Variants in CUTC observed in about 807,000 individuals in gnomAD.
The protein encoded by CUTC is copper homeostasis protein cutC homolog.
In CUTC, 27 loss-of-function variants were observed where a neutral mutation model predicts 36.2. The observed-to-expected ratio is 0.75, with a 90% CI of 0.55 to 1.03. The LOEUF is 1.03. Ranked by LOEUF, CUTC falls within the 50% of genes least tolerant of loss-of-function variation. The pLI is 0.00. For missense variants in CUTC, 315 were observed against 343.5 expected, an observed-to-expected ratio of 0.92 and a Z score of 0.66; for synonymous variants, 114 against 118.3, an observed-to-expected ratio of 0.96 and a Z score of 0.24.
At chr10:99,746,215 A>G (rs1476076866) in intron 5 of CUTC, among the ~76,000 whole-genome samples, 5 of 152,244 alleles carry the variant, frequency 3.3e-5, no homozygotes, top group Non-Finnish European at 5.9e-5. Flanking sequence ...TTGCAGAGGC[A>G]TGGATGGAGC....
intron 8 of CUTC, among the ~76,000 whole-genome samples, chr10:99,755,380 GAAAAA>G (rs386372234): frequency 1.6e-5 from 2 of 122,006 alleles, no homozygotes; most frequent in African/African-American, 6.2e-5. Context: ...ATTTAAAAAG[GAAAAA>G]AAAAAAAAAA....
At chr10:99,737,276 A>AT (rs1313270439) in intron 2 of CUTC, among the ~76,000 whole-genome samples, 2 of 152,142 alleles carry the variant, frequency 1.3e-5, no homozygotes, top group Admixed American at 6.6e-5. Context: ...TAAAAAAAAA[A>AT]AAAAAGTTAA....
chr10:99,738,527 TG>T (rs1349887120), intron 2 of CUTC, among the ~76,000 whole-genome samples: 1 of 152,134 alleles, frequency 6.6e-6, no homozygotes, highest in Non-Finnish European at 1.5e-5. Context: ...TTTAATTCTT[TG>T]TTTACTTTCT....
chr10:99,735,380 G>T (rs1420353437), intron 1 of CUTC, among the ~76,000 whole-genome samples: 1 of 152,044 alleles, frequency 6.6e-6, no homozygotes, highest in Non-Finnish European at 1.5e-5. Flanking sequence ...AGGCATTGGG[G>T]AGCCAGCGGT....
intron 2 of CUTC, among the ~76,000 whole-genome samples, chr10:99,737,025 T>C (rs1223869874): frequency 2.0e-5 from 3 of 152,198 alleles, no homozygotes; most frequent in Non-Finnish European, 4.4e-5. Flanking sequence ...ATCCCAGTAA[T>C]TGGAGAGGCT....
chr10:99,740,498 C>G (rs749124213), intron 3 of CUTC, among the ~76,000 whole-genome samples: 32 of 151,894 alleles, frequency 2.1e-4, no homozygotes, highest in Non-Finnish European at 2.9e-5. Flanking sequence ...TGACAAAAAG[C>G]TATCATCCAT....
rs761848818 is a variant in CUTC at position 99,736,239 on chromosome 10, A to G, written c.62-7A>G. 5.6e-6 allele frequency: 9 copies of G among 1,612,638 alleles called. No homozygotes were observed. In the South Asian group the frequency reaches 7.7e-5, roughly 14 times the overall value. On this transcript the variant is annotated splice_polypyrimidine_tract_variant and splice_region_variant and intron_variant, in intron 1 of 8. Transcript: ENST00000370476. ...TATGAACTCTTACCATTCTCCATGT[A>G]TTTTAGGAGCAGCAAATGGATTTCT...
intron 5 of CUTC, among the ~76,000 whole-genome samples, chr10:99,744,710 T>C (rs866367816): frequency 3.9e-5 from 6 of 152,238 alleles, no homozygotes; most frequent in South Asian, 4.1e-4. Context: ...TGTGATACTT[T>C]CTTGTAAAGA....
At chr10:99,747,502 T>C (rs2037387453) in intron 6 of CUTC, 112 bp downstream of exon 6, 4 of 1,229,080 alleles carry the variant, frequency 3.3e-6, no homozygotes, top group South Asian at 3.0e-5. Flanking sequence ...GGTTACTCTG[T>C]AGGAAAAGCA....
At position 99,738,389 on chromosome 10, in the gene CUTC, G is replaced by GGGGTGTGTGT. The variant is rs148974907; in HGVS notation, c.134-1320_134-1319insGGTGTGTGTG. ...AGATTTCTCCAGTTGACTCATACAG[G>GGGGTGTGTGT]GTGTGTGTGTGTGTGTGTGTGTGTG... On this transcript the variant is annotated intron_variant, in intron 2 of 8. Coordinates refer to ENST00000370476, the MANE Select transcript of CUTC (RefSeq NM_015960.3). Among the ~76,000 whole-genome samples, 4 of 142,962 alleles carry GGGGTGTGTGT rather than the reference G, an allele frequency of 2.8e-5. No individual in the cohort carries two copies. In the East Asian group the frequency reaches 8.3e-4, roughly 30 times the overall value. The allele number at this position is 142,962 out of a possible 152,430, so 93.8% of individuals were successfully genotyped here.
chr10:99,747,746 C>G (rs1184738540), intron 6 of CUTC, among the ~76,000 whole-genome samples: 3 of 152,146 alleles, frequency 2.0e-5, no homozygotes, highest in Non-Finnish European at 2.9e-5. Context: ...GTCTCGAACT[C>G]TTGGGCTCAA....
At position 99,744,558 on chromosome 10, in the gene CUTC, G is replaced by A. The variant is rs1431129758; in HGVS notation, c.439+486G>A. 2.6e-5 allele frequency among the ~76,000 whole-genome samples: 4 copies of A among 152,144 alleles called. No homozygotes were observed. The East Asian group carries it at 7.7e-4, about 29-fold the overall frequency. On this transcript the variant is annotated intron_variant, in intron 5 of 8. Transcript: ENST00000370476. ...GGGGAGAGAAAGTTGGGTATCTGGA[G>A]AAGAATTGGGTCTTATTAGGAAGGG...
At chr10:99,738,076 GCGGAGGTTGCGTGAGC>G (rs1047077659) in intron 2 of CUTC, among the ~76,000 whole-genome samples, 8 of 151,794 alleles carry the variant, frequency 5.3e-5, no homozygotes, top group Admixed American at 4.6e-4. Context: ...AACCTGGGAG[GCGGAGGTTGCGTGAGC>G]CGAGATCACG....
At chr10:99,743,007 C>T in intron 3 of CUTC, 146 bp from the exon 4 acceptor site, 1 of 683,268 alleles carries the variant, frequency 1.5e-6, no homozygotes. Context: ...TAACCCTTTG[C>T]TATTACTTAC....
chr10:99,737,564 T>C (rs2037306907), intron 2 of CUTC, among the ~76,000 whole-genome samples: 1 of 152,184 alleles, frequency 6.6e-6, no homozygotes, highest in African/African-American at 2.4e-5. Context: ...CTTGTGGAGA[T>C]GGTTGCAAAA....
chr10:99,747,536 C>A, intron 6 of CUTC, 146 bp downstream of exon 6: 1 of 835,092 alleles, frequency 1.2e-6, no homozygotes, highest in Non-Finnish European at 1.8e-6. Flanking sequence ...GTATATAATT[C>A]TTATTTCTTT....
intron 1 of CUTC, among the ~76,000 whole-genome samples, chr10:99,733,899 C>G (rs1256896929): frequency 6.6e-6 from 1 of 152,088 alleles, no homozygotes; most frequent in African/African-American, 2.4e-5. Flanking sequence ...AGGGTCCTTT[C>G]TTGTGTGAGG....
At chr10:99,746,869 T>C (rs2133675005) in intron 5 of CUTC, among the ~76,000 whole-genome samples, 1 of 152,284 alleles carries the variant, frequency 6.6e-6, no homozygotes, top group Admixed American at 6.5e-5. Context: ...CCCCTTAGGC[T>C]CAGGTGATCC....
chr10:99,733,116 C>T (rs2037238709), intron 1 of CUTC, among the ~76,000 whole-genome samples: 1 of 152,108 alleles, frequency 6.6e-6, no homozygotes, highest in Admixed American at 6.5e-5. Context: ...CGAGACCAGC[C>T]TGGCCAGCAT....
Sources: gnomAD v4.1 joint callset for allele counts (sites outside exome capture counted in the v4.1 genomes callset) on GRCh38, gnomAD v4.1.1 for gene constraint, MANE v1.5 for transcripts, NCBI Gene and HGNC (gene_info 2026-07-23, HGNC 2026-07-21) for gene names.